Variants in LYPLAL1 observed in about 807,000 individuals in gnomAD.
LYPLAL1 encodes lysophospholipase-like protein 1.
A neutral mutation model predicts 19.7 loss-of-function variants in LYPLAL1; 23 were observed. The observed-to-expected ratio is 1.17, with a 90% CI of 0.84 to 1.65. The LOEUF (loss-of-function observed/expected upper bound fraction) is 1.65, where lower values mean the gene tolerates loss of function less well. Ranked by LOEUF, LYPLAL1 falls within the 40% of genes most tolerant of loss-of-function variation. The pLI, the probability that LYPLAL1 is intolerant of heterozygous loss-of-function variation, is 0.00. For synonymous variants in LYPLAL1, 119 were observed against 96.3 expected (o/e 1.24, Z -1.38); for missense variants, 355 against 279.4 (o/e 1.27, Z -1.93).
the LYPLAL1 span, among the ~76,000 whole-genome samples, chr1:219,444,205 T>G: frequency 7.3e-3 from 1,115 of 152,366 alleles, 6 homozygotes; most frequent in Admixed American, 0.01. Context: ...TATAATGAAT[T>G]TAAAACTGCA....
the LYPLAL1 span, among the ~76,000 whole-genome samples, chr1:219,334,513 C>A: frequency 7.5e-6 from 1 of 133,880 alleles, no homozygotes; most frequent in East Asian, 2.2e-4. Context: ...CTGACCCAAT[C>A]ATAATGAAGA....
At chr1:219,400,485 A>G in the LYPLAL1 span, among the ~76,000 whole-genome samples, 2 of 146,192 alleles carry the variant, frequency 1.4e-5, no homozygotes, top group African/African-American at 2.5e-5. Context: ...CTATCTATCT[A>G]TCTGTCTATC....
At chr1:219,282,998 G>A in the LYPLAL1 span, among the ~76,000 whole-genome samples, 3 of 152,128 alleles carry the variant, frequency 2.0e-5, no homozygotes, top group Non-Finnish European at 2.9e-5. Context: ...AAAGAGAGAA[G>A]TGGGGGCTGA....
At chr1:219,444,675 A>G in the LYPLAL1 span, among the ~76,000 whole-genome samples, 2 of 152,178 alleles carry the variant, frequency 1.3e-5, no homozygotes, top group Admixed American at 6.5e-5. Flanking sequence ...CGCCATAAAT[A>G]TCTCCTTTAA....
the LYPLAL1 span, among the ~76,000 whole-genome samples, chr1:219,362,524 T>G: frequency 1.3e-5 from 2 of 152,036 alleles, no homozygotes; most frequent in African/African-American, 4.8e-5. Flanking sequence ...TAAAGGAAAA[T>G]AATCTTTAAG....
the LYPLAL1 span, among the ~76,000 whole-genome samples, chr1:219,322,915 G>A: frequency 9.9e-5 from 15 of 152,180 alleles, no homozygotes; most frequent in Admixed American, 1.3e-4. Context: ...TTGTTTAAGC[G>A]ATGCTTTTCC....
the LYPLAL1 span, among the ~76,000 whole-genome samples, chr1:219,438,529 G>T: frequency 6.6e-6 from 1 of 152,198 alleles, no homozygotes; most frequent in Non-Finnish European, 1.5e-5. Flanking sequence ...ACTCTCCATT[G>T]TTCTGTAGTA....
At chr1:219,317,065 C>T in the LYPLAL1 span, among the ~76,000 whole-genome samples, 1 of 152,058 alleles carries the variant, frequency 6.6e-6, no homozygotes, top group Admixed American at 6.5e-5. Context: ...GGTATTTTAC[C>T]ATAATTTAAA....
At chr1:219,337,713 G>A in the LYPLAL1 span, among the ~76,000 whole-genome samples, 1 of 152,032 alleles carries the variant, frequency 6.6e-6, no homozygotes, top group South Asian at 2.1e-4. Flanking sequence ...CTTCACCTGT[G>A]TTTGTAAATG....
At chr1:219,375,858 T>C in the LYPLAL1 span, among the ~76,000 whole-genome samples, 1 of 151,714 alleles carries the variant, frequency 6.6e-6, no homozygotes, top group Admixed American at 6.6e-5. Context: ...TATCCTGCCT[T>C]AGCCTCCCGA....
the LYPLAL1 span, among the ~76,000 whole-genome samples, chr1:219,327,795 C>T: frequency 2.6e-5 from 4 of 152,006 alleles, no homozygotes; most frequent in African/African-American, 9.7e-5. Flanking sequence ...TAAGGGGAAA[C>T]CCCTTTCACT....
At chr1:219,436,014 C>T in the LYPLAL1 span, among the ~76,000 whole-genome samples, 1 of 152,118 alleles carries the variant, frequency 6.6e-6, no homozygotes, top group Non-Finnish European at 1.5e-5. Flanking sequence ...TCATTCTGCC[C>T]CAGTGCCATC....
chr1:219,430,625 T>C, the LYPLAL1 span, among the ~76,000 whole-genome samples: 1 of 152,204 alleles, frequency 6.6e-6, no homozygotes, highest in Non-Finnish European at 1.5e-5. Flanking sequence ...ACTCATTCTT[T>C]CTTATTCCAT....
intron 3 of LYPLAL1, among the ~76,000 whole-genome samples, chr1:219,199,112 G>T (rs1657858399): frequency 6.6e-6 from 1 of 152,154 alleles, no homozygotes; most frequent in Admixed American, 6.6e-5. Flanking sequence ...GTGAAAAAAA[G>T]CATTTAGTAT....
the LYPLAL1 span, among the ~76,000 whole-genome samples, chr1:219,301,764 TAA>T: frequency 7.5e-6 from 1 of 133,428 alleles, no homozygotes; most frequent in African/African-American, 2.6e-5. Flanking sequence ...TATTTTTAAC[TAA>T]CAGTTATTTT....
the LYPLAL1 span, among the ~76,000 whole-genome samples, chr1:219,441,940 C>G: frequency 2.0e-5 from 3 of 152,200 alleles, no homozygotes; most frequent in African/African-American, 7.2e-5. Flanking sequence ...TGCAAAGAAT[C>G]AAAATGAGAG....
At chr1:219,299,660 C>A in the LYPLAL1 span, among the ~76,000 whole-genome samples, 1 of 152,202 alleles carries the variant, frequency 6.6e-6, no homozygotes, top group African/African-American at 2.4e-5. Context: ...AAAGTTGGTT[C>A]TCTTCCCACT....
chr1:219,391,223 A>T, the LYPLAL1 span, among the ~76,000 whole-genome samples: 1 of 152,048 alleles, frequency 6.6e-6, no homozygotes, highest in Non-Finnish European at 1.5e-5. Flanking sequence ...TTTGCTATTG[A>T]TCCTTTCTCC....
the LYPLAL1 span, among the ~76,000 whole-genome samples, chr1:219,236,692 A>G: frequency 6.6e-6 from 1 of 152,198 alleles, no homozygotes. Flanking sequence ...TGGATAGTCT[A>G]CTTGAACTTT....
Sources: allele counts gnomAD v4.1 joint callset (sites outside exome capture counted in the v4.1 genomes callset), GRCh38; gene constraint gnomAD v4.1.1; transcripts MANE v1.5; gene names NCBI Gene and HGNC (gene_info 2026-07-23, HGNC 2026-07-21).